GZMH: variants seen among roughly 807,000 people sequenced by gnomAD.
GZMH encodes the protein granzyme H, also known as cathepsin G-like 2, protein h-CCPX.
Under a neutral mutation model 20.7 loss-of-function variants are expected in GZMH, and 24 were observed. That is an observed-to-expected ratio of 1.16 (90% CI 0.84 to 1.63). GZMH has a LOEUF of 1.63. GZMH is among the 40% of genes most tolerant of loss of function. GZMH has a pLI of 0.00. For missense variants in GZMH, 344 were observed against 302.7 expected (o/e 1.14, Z -1.01); for synonymous variants, 119 against 116.1 (o/e 1.02, Z -0.16).
In GZMH at chr14:24,608,427, T is replaced by G; in HGVS notation, c.56-15A>C. On this transcript the variant is annotated splice_polypyrimidine_tract_variant and intron_variant, in intron 1 of 4. Coordinates refer to ENST00000216338, the MANE Select transcript of GZMH (RefSeq NM_033423.5). ...GATGATCTCCTCTGAAAGGAAAGAC[T>G]GGAAGATAAAGTAGCTGGGGATGGC... The G allele has an allele frequency of 6.2e-7, 1 of 1,613,660 alleles. No individual in the cohort carries two copies. The highest frequency in any genetic ancestry group is 8.5e-7 in the Non-Finnish European group (1 of 1,179,742).
At chr14:24,608,204 C>T (rs2066886200) in intron 2 of GZMH, 61 bp downstream of exon 2, 11 of 1,587,528 alleles carry the variant, frequency 6.9e-6, no homozygotes, top group Non-Finnish European at 9.5e-6. Context: ...CTGCAGTCCC[C>T]AGGAGAAAAC....
chr14:24,608,720 C>T (rs1221750028), intron 1 of GZMH, among the ~76,000 whole-genome samples: 3 of 152,198 alleles, frequency 2.0e-5, no homozygotes, highest in Non-Finnish European at 2.9e-5. Context: ...ACAGGACTTC[C>T]CAGGCTCCTC....
rs1185674327 is a variant in GZMH at position 24,608,279 on chromosome 14, A to G, written c.189T>C (p.Ala63=). ...CTGCTCCTTACCTTCCCTGGCAGTGAGCAGCTGTCAGCACAAAGTCCTTTC... is the reference window on the plus strand; with the variant it reads ...CTGCTCCTTACCTTCCCTGGCAGTGGGCAGCTGTCAGCACAAAGTCCTTTC... ...LVRKDFVLTA[A]HCQGSSINVT... Residue 63 remains alanine, a synonymous_variant, in exon 2 of 5, where the codon GCT becomes GCC. Transcript: ENST00000216338. The G allele has an allele frequency of 6.2e-7, 1 of 1,614,168 alleles. No homozygotes were observed. Among genetic ancestry groups the G allele is most frequent in the Non-Finnish European group, 8.5e-7 (1 of 1,180,014 alleles).
intron 4 of GZMH, 102 bp downstream of exon 4, chr14:24,607,047 C>A (rs905757152): frequency 3.2e-5 from 40 of 1,261,788 alleles, no homozygotes; most frequent in Non-Finnish European, 4.5e-5. Context: ...GCTGCCCAAG[C>A]TCTGGGCTGA....
chr14:24,609,393 C>G (rs2066895354), intron 1 of GZMH, among the ~76,000 whole-genome samples, 166 bp downstream of exon 1: 1 of 152,194 alleles, frequency 6.6e-6, no homozygotes, highest in Non-Finnish European at 1.5e-5. Context: ...AGGGAACACC[C>G]TTCATTTTTC....
At position 24,606,717 on chromosome 14, in the gene GZMH, C is replaced by G; in HGVS notation, c.627G>C (p.Lys209Asn). The G allele has an allele frequency of 1.2e-6, 2 of 1,613,922 alleles. No individual in the cohort carries two copies. Among genetic ancestry groups the G allele is most frequent in the Non-Finnish European group, 1.7e-6 (2 of 1,179,860 alleles). ...AGGAGAGAATACCTTGGGCTACGTC[C>G]TTACACACGAGGGGCCCCCCGGAGT... is the stretch of plus-strand genomic sequence containing the variant. ...KGDSGGPLVCKDVAQGILSYG... is the reference protein window; with the variant it reads ...KGDSGGPLVCNDVAQGILSYG... The change falls in exon 5 of 5, where the codon AAG (lysine) becomes AAC (asparagine). Residue 209 changes from lysine (K) to asparagine (N), a missense_variant. Transcript: ENST00000216338.
chr14:24,609,589 C>G lies in GZMH; in HGVS notation c.25G>C (p.Ala9Pro). 6.2e-7 allele frequency: 1 copy of G among 1,610,824 alleles called. No homozygotes were observed. The highest frequency in any genetic ancestry group is 8.5e-7 in the Non-Finnish European group (1 of 1,178,498). The stretch of plus-strand genomic sequence containing the variant: ...CCAGCCCCAGGGGTCAGAAGAAAGG[C>G]CAACAGGAGGAGGAATGGCTGCATT... MQPFLLLL[A>P]FLLTPGAGTE... Residue 9 changes from alanine to proline, a missense_variant, in exon 1 of 5, where the codon GCC becomes CCC. Transcript: ENST00000216338.
At chr14:24,607,108 C>T (rs1298348929) in intron 4 of GZMH, 41 bp downstream of exon 4, 2 of 1,583,668 alleles carry the variant, frequency 1.3e-6, no homozygotes, top group South Asian at 1.2e-5. Flanking sequence ...TCAAGTTCCT[C>T]TCTCCCTGTG....
chr14:24,607,457 C>T lies in GZMH; in HGVS notation c.340-51G>A, dbSNP rs778002789. The stretch of plus-strand genomic sequence containing the variant: ...CAGGTCAGGCAATGGCCTTCTGGGC[C>T]CCGACACAGTGATGGGGCTGCACAA... On this transcript the variant is annotated intron_variant, in intron 3 of 4. Coordinates refer to ENST00000216338, the MANE Select transcript of GZMH (RefSeq NM_033423.5). 4.4e-6 allele frequency: 7 copies of T among 1,574,726 alleles called. No homozygotes were observed. The South Asian group carries it at 8.3e-5, about 19-fold the overall frequency.
rs527360788 is a variant in GZMH at position 24,607,725 on chromosome 14, C to A, written c.226G>T (p.Ala76Ser). 2 of 1,613,970 alleles carry A rather than the reference C, an allele frequency of 1.2e-6. No homozygotes were observed. Among genetic ancestry groups the A allele is most frequent in the East Asian group, 2.2e-5 (1 of 44,876 alleles). ...CGCTCCTGTTCCTTGATATTGTGGG[C>A]CCCCAAGGTGACATTTATGGAGCTG... ...QGSSINVTLG[A>S]HNIKEQERTQ... Residue 76 changes from alanine to serine, a missense_variant, in exon 3 of 5, where the codon GCC becomes TCC. By Grantham distance (99) the Ala-to-Ser change is moderately conservative (BLOSUM62 1). Transcript: ENST00000216338.
At chr14:24,607,090 G>A in intron 4 of GZMH, 59 bp downstream of exon 4, 1 of 1,547,474 alleles carries the variant, frequency 6.5e-7, no homozygotes. Context: ...TCATACCCCA[G>A]AACTCCCTCA....
intron 4 of GZMH, 87 bp from the exon 5 acceptor site, chr14:24,606,833 C>T (rs771713165): frequency 1.3e-5 from 16 of 1,232,992 alleles, no homozygotes; most frequent in Non-Finnish European, 1.7e-5. Context: ...CAGTGCCAGG[C>T]AGGCCTTGTC....
Position 24,607,206 on chromosome 14 carries a change from G to A in GZMH, c.540C>T (p.Tyr180=), listed in dbSNP as rs544748518. The A allele has an allele frequency of 3.1e-6, 5 of 1,614,134 alleles. No homozygotes were observed. Among genetic ancestry groups the A allele is most frequent in the Admixed American group, 1.7e-5 (1 of 60,026 alleles). Residue 180 remains tyrosine (Y), a synonymous_variant, in exon 4 of 5, where the codon TAC becomes TAT. Transcript: ENST00000216338. The part of the protein sequence containing the change: ...CQCERLFHGN[Y]SRATEICVGD... ...CCACACAAATCTCAGTGGCTCTGCTGTAATTGCCATGGAAGAGACGTTCAC... is the reference window on the plus strand; with the variant it reads ...CCACACAAATCTCAGTGGCTCTGCTATAATTGCCATGGAAGAGACGTTCAC...
rs2066876544 is a variant in GZMH, at chr14:24,607,300, T to C, written c.446A>G (p.Tyr149Cys). ...GGTTGCTAAAGTGCTCATTGAGACA[T>C]AACCCCAGCCAGCCACACTGCACAG... ...GQLCSVAGWG[Y>C]VSMSTLATTL... Residue 149 changes from tyrosine to cysteine, a missense_variant, in exon 4 of 5, where the codon TAT (tyrosine) becomes TGT (cysteine). Transcript: ENST00000216338. The C allele has an allele frequency of 6.2e-7, 1 of 1,614,022 alleles. No individual in the cohort carries two copies. The highest frequency in any genetic ancestry group is 8.5e-7 in the Non-Finnish European group (1 of 1,179,992).
chr14:24,609,679 G>C lies in GZMH; in HGVS notation c.-66C>G. ...ACTCCTTCCAGAAACAAATGCTGGAGGGAGATGAAGGAGGGATGGGTACAG... is the reference window on the plus strand; with the variant it reads ...ACTCCTTCCAGAAACAAATGCTGGACGGAGATGAAGGAGGGATGGGTACAG... On this transcript the variant is annotated 5_prime_UTR_variant, in exon 1 of 5. Transcript: ENST00000216338. 4.2e-6 allele frequency: 5 copies of C among 1,186,006 alleles called. No individual in the cohort carries two copies. The highest frequency in any genetic ancestry group is 6.2e-6 in the Non-Finnish European group (5 of 806,582). 73.5% of individuals were successfully genotyped at this position (1,186,006 alleles called of 1,614,324 possible).
intron 4 of GZMH, among the ~76,000 whole-genome samples, 155 bp downstream of exon 4, chr14:24,606,994 C>T (rs1355796438): frequency 7.9e-5 from 12 of 152,170 alleles, no homozygotes; most frequent in East Asian, 1.9e-4. Context: ...CACCCCAGTC[C>T]ACCCAAGGAG....
intron 1 of GZMH, 41 bp downstream of exon 1, chr14:24,609,518 T>C (rs1354000887): frequency 7.0e-7 from 1 of 1,422,020 alleles, no homozygotes; most frequent in African/African-American, 1.4e-5. Flanking sequence ...GGGTATCTTA[T>C]AAGATGGGTT....
rs773719850 is a variant in GZMH, at chr14:24,607,347, C to T, written c.399G>A (p.Lys133=). 7 of 1,611,768 alleles carry T rather than the reference C, an allele frequency of 4.3e-6. 1 individual carries two copies. In the South Asian group the frequency reaches 7.7e-5, roughly 18 times the overall value. ...AVRPLRLPSS[K]AQVKPGQLCS... is the part of the protein sequence containing the mutation. Reference sequence around the variant, plus strand: ...ACAGCTGCCCTGGCTTCACCTGGGCCTTGCTGCTAGGTAGCCTGAGAGGCC... The same window carrying T: ...ACAGCTGCCCTGGCTTCACCTGGGCTTTGCTGCTAGGTAGCCTGAGAGGCC... Residue 133 remains lysine (K), a synonymous_variant, in exon 4 of 5, where the codon AAG becomes AAA. Transcript: ENST00000216338.
chr14:24,608,171 G>T (rs2066885171), intron 2 of GZMH, 94 bp downstream of exon 2: 1 of 1,358,490 alleles, frequency 7.4e-7, no homozygotes, highest in East Asian at 2.3e-5. Context: ...TGTGTTACCA[G>T]GAACTCTGGA....
Sources: gnomAD v4.1 joint callset for allele counts (sites outside exome capture counted in the v4.1 genomes callset) on GRCh38, gnomAD v4.1.1 for gene constraint, MANE v1.5 for transcripts, NCBI Gene and HGNC (gene_info 2026-07-23, HGNC 2026-07-21) for gene names.